CTNNA3: variants seen among roughly 807,000 people sequenced by gnomAD.
CTNNA3 encodes catenin alpha 3.
Under a neutral mutation model 95.7 loss-of-function variants are expected in CTNNA3, and 76 were observed. That is an observed-to-expected ratio of 0.79 (90% confidence interval 0.66 to 0.96). CTNNA3 has a LOEUF of 0.96. Ranked by LOEUF, CTNNA3 falls within the 40% of genes least tolerant of loss-of-function variation. The probability of loss-of-function intolerance (pLI) is 0.00; values close to 1 mark genes in which losing one functional copy is unlikely to be tolerated. For missense variants in CTNNA3, 1,191 were observed against 1,089.8 expected (o/e 1.09, Z -1.31); for synonymous variants, 431 against 374.4 (o/e 1.15, Z -1.74).
chr10:66,241,426 T>G (rs187431844), intron 13 of CTNNA3, among the ~76,000 whole-genome samples: 62 of 152,334 alleles, frequency 4.1e-4, no homozygotes, highest in Admixed American at 2.5e-3. Flanking sequence ...TTGTTCCAAT[T>G]ACAAAGTTAA....
rs569181110 is a variant in CTNNA3 at position 67,211,606 on chromosome 10, C to T, written c.843+8001G>A. ...ACTATGTACCTGGCAACTTGCTAGGCGGTGACAATATAAATATGAATAAGG... is the reference window on the plus strand; with the variant it reads ...ACTATGTACCTGGCAACTTGCTAGGTGGTGACAATATAAATATGAATAAGG... On this transcript the variant is annotated intron_variant, in intron 6 of 17. Coordinates refer to ENST00000433211, the MANE Select transcript of CTNNA3 (RefSeq NM_013266.4). 1.3e-3 allele frequency among the ~76,000 whole-genome samples: 195 copies of T among 152,162 alleles called. 1 individual carries two copies. The highest frequency in any genetic ancestry group is 4.2e-3 in the African/African-American group (176 of 41,520).
chr10:67,499,743 A>G (rs765258693), intron 5 of CTNNA3, among the ~76,000 whole-genome samples: 2 of 152,050 alleles, frequency 1.3e-5, no homozygotes, highest in Non-Finnish European at 2.9e-5. Context: ...GTATTCTCTG[A>G]TGGTAGTTTG....
intron 7 of CTNNA3, among the ~76,000 whole-genome samples, chr10:67,014,490 C>A (rs959447138): frequency 1.3e-5 from 2 of 152,098 alleles, no homozygotes; most frequent in Non-Finnish European, 2.9e-5. Flanking sequence ...ATATATTCTT[C>A]TAGACAAAAT....
intron 11 of CTNNA3, among the ~76,000 whole-genome samples, chr10:66,460,755 T>C (rs2131846856): frequency 6.6e-6 from 1 of 152,308 alleles, no homozygotes; most frequent in African/African-American, 2.4e-5. Flanking sequence ...ATCTTCTTCC[T>C]GAGTGGTGCA....
In CTNNA3 at chr10:67,706,575, C is replaced by CTG. The variant is rs750519984; in HGVS notation, c.-2+56858_-2+56859insCA. 2.6e-5 allele frequency among the ~76,000 whole-genome samples: 4 copies of CTG among 152,172 alleles called. No homozygotes were observed. In the East Asian group the frequency reaches 7.7e-4, roughly 29 times the overall value. ...AAAACTCTTCCCCCATTCCAAGTCC[C>CTG]TTGGGAGGACATCTGGTCAGTGCTG... On this transcript the variant is annotated intron_variant, in intron 1 of 17. Coordinates refer to the CTNNA3 transcript ENST00000684154.
At chr10:66,335,203 A>G (rs768570784) in intron 12 of CTNNA3, among the ~76,000 whole-genome samples, 23 of 151,214 alleles carry the variant, frequency 1.5e-4, no homozygotes, top group Non-Finnish European at 3.3e-4. Flanking sequence ...GAGTAGTTTG[A>G]TTGTCTGAAG....
chr10:67,334,794 A>G (rs1342656825), intron 5 of CTNNA3: 1 of 156,364 alleles, frequency 6.4e-6, no homozygotes, highest in Non-Finnish European at 1.4e-5. Flanking sequence ...ATCTGTCAGC[A>G]CTGAGGAGGC....
At chr10:67,537,036 A>G (rs150064466) in intron 4 of CTNNA3, among the ~76,000 whole-genome samples, 14 of 152,312 alleles carry the variant, frequency 9.2e-5, no homozygotes, top group African/African-American at 3.1e-4. Flanking sequence ...CTTCTCTTTG[A>G]TAAGATGCCA....
intron 7 of CTNNA3, among the ~76,000 whole-genome samples, chr10:66,859,286 G>C (rs554956006): frequency 2.0e-5 from 3 of 151,700 alleles, no homozygotes; most frequent in East Asian, 3.9e-4. Flanking sequence ...GGCTAATATC[G>C]AGAATCTACA....
At chr10:66,015,263 C>G (rs1452976060) in intron 15 of CTNNA3, among the ~76,000 whole-genome samples, 2 of 151,982 alleles carry the variant, frequency 1.3e-5, no homozygotes, top group Non-Finnish European at 2.9e-5. Flanking sequence ...ATATCAACAC[C>G]TAATAGACTA....
chr10:66,380,037 T>C (rs912547460), intron 11 of CTNNA3, among the ~76,000 whole-genome samples: 5 of 152,250 alleles, frequency 3.3e-5, no homozygotes, highest in African/African-American at 1.2e-4. Context: ...TTCTGGCTTC[T>C]GGCTTTATCA....
chr10:66,809,746 A>G (rs2132259012), intron 7 of CTNNA3, among the ~76,000 whole-genome samples: 1 of 151,150 alleles, frequency 6.6e-6, no homozygotes, highest in Admixed American at 6.6e-5. Context: ...TCTTTGGCAC[A>G]TTTAGGAAAA....
intron 1 of CTNNA3, among the ~76,000 whole-genome samples, chr10:67,648,022 T>C (rs1839769957): frequency 6.6e-6 from 1 of 152,158 alleles, no homozygotes; most frequent in Non-Finnish European, 1.5e-5. Context: ...AGGGTTTTGA[T>C]TGGAGAAGGT....
intron 7 of CTNNA3, among the ~76,000 whole-genome samples, chr10:67,072,618 G>A (rs535978558): frequency 4.6e-5 from 7 of 152,252 alleles, no homozygotes; most frequent in Admixed American, 3.3e-4. Flanking sequence ...GTGGAATGTA[G>A]TCTTCCCCTT....
intron 9 of CTNNA3, among the ~76,000 whole-genome samples, chr10:66,647,437 A>G (rs781311412): frequency 1.3e-5 from 2 of 152,194 alleles, no homozygotes; most frequent in Non-Finnish European, 2.9e-5. Context: ...AGAAGACTAC[A>G]AAAGTCTTCA....
intron 10 of CTNNA3, among the ~76,000 whole-genome samples, chr10:66,575,002 C>G (rs1236953422): frequency 1.3e-5 from 2 of 152,096 alleles, no homozygotes; most frequent in South Asian, 2.1e-4. Context: ...TAACAAATAA[C>G]ACATCTTGAT....
At chr10:66,895,471 T>G (rs1845444367) in intron 7 of CTNNA3, among the ~76,000 whole-genome samples, 2 of 152,286 alleles carry the variant, frequency 1.3e-5, no homozygotes, top group Admixed American at 1.3e-4. Flanking sequence ...TATTAAAAAT[T>G]TCTTAATATA....
chr10:67,649,684 T>C (rs1237493576), intron 1 of CTNNA3, among the ~76,000 whole-genome samples: 1 of 152,180 alleles, frequency 6.6e-6, no homozygotes, highest in African/African-American at 2.4e-5. Context: ...GATTGGAAAT[T>C]AGGGCTATCA....
chr10:67,650,009 T>C (rs1839831211), intron 1 of CTNNA3, among the ~76,000 whole-genome samples: 1 of 152,134 alleles, frequency 6.6e-6, no homozygotes, highest in Admixed American at 6.6e-5. Flanking sequence ...CTGGCTAATT[T>C]TGTATGTTTA....
Sources: gnomAD v4.1 joint callset for allele counts (sites outside exome capture counted in the v4.1 genomes callset) on GRCh38, gnomAD v4.1.1 for gene constraint, MANE v1.5 for transcripts, NCBI Gene and HGNC (gene_info 2026-07-23, HGNC 2026-07-21) for gene names.